Variants in SYNM observed in about 807,000 individuals in gnomAD.
The protein encoded by SYNM is desmuslin.
Under a neutral mutation model 104.0 loss-of-function variants are expected in SYNM, and 95 were observed. The observed-to-expected ratio is 0.91, with a 90% CI of 0.77 to 1.08. SYNM has a LOEUF of 1.08. Ranked by LOEUF, SYNM falls within the 50% of genes least tolerant of loss-of-function variation. The pLI is 0.00. For missense variants in SYNM, 2,150 were observed against 2,052.2 expected, an observed-to-expected ratio of 1.05 and a Z score of -0.92; for synonymous variants, 918 against 869.0, an observed-to-expected ratio of 1.06 and a Z score of -0.99.
chr15:99,129,430 T>G lies in SYNM; in HGVS notation c.1070T>G (p.Leu357Arg). 6.2e-7 allele frequency: 1 copy of G among 1,614,032 alleles called. No homozygotes were observed. The highest frequency in any genetic ancestry group is 8.5e-7 in the Non-Finnish European group (1 of 1,179,896). ...SLLQRENERNLFSRQKAPLAS... is the reference protein window; with the variant it reads ...SLLQRENERNRFSRQKAPLAS... ...CTACAGAGGGAAAATGAAAGGAATC[T>G]ATTTTCAAGGCAGAAAGCACCTTTG... The change falls in exon 4 of 4, where the codon CTA (leucine) becomes CGA (arginine). Residue 357 changes from leucine (L) to arginine (R), a missense_variant. Coordinates refer to ENST00000336292, the MANE Select transcript of SYNM (RefSeq NM_145728.3).
rs1555486277 is a variant in SYNM at position 99,133,042 on chromosome 15, A to C, written c.4682A>C (p.Asp1561Ala). The C allele has an allele frequency of 6.2e-7, 1 of 1,613,676 alleles. No homozygotes were observed. The highest frequency in any genetic ancestry group is 1.1e-5 in the South Asian group (1 of 91,038). The change falls in exon 4 of 4, where the codon GAT becomes GCT. Residue 1561 changes from aspartate to alanine, a missense_variant. Transcript: ENST00000336292. ...CTAGACAATGAGGAGGAGGAGAATG[A>C]TGGGCATTGGTTTTAATAAGCAGAA... ...LYLDNEEEEN[D>A]GHWF
intron 2 of SYNM, among the ~76,000 whole-genome samples, chr15:99,125,514 C>T (rs1056385008): frequency 3.3e-5 from 5 of 152,262 alleles, no homozygotes; most frequent in Non-Finnish European, 5.9e-5. Flanking sequence ...CCGCTGTGTG[C>T]GCCTTCGCGA....
intron 2 of SYNM, among the ~76,000 whole-genome samples, chr15:99,122,023 A>G (rs1276105442): frequency 6.6e-6 from 1 of 152,268 alleles, no homozygotes; most frequent in Non-Finnish European, 1.5e-5. Context: ...ATTTTTCAGT[A>G]GAAAAATCGA....
chr15:99,139,432 TG>T (rs1567302056), downstream of SYNM: 11 of 1,613,810 alleles, frequency 6.8e-6, no homozygotes, highest in South Asian at 1.2e-4. Context: ...CATGAGGCTA[TG>T]GAAGTGTCGC....
chr15:99,125,215 T>G (rs1292527941), intron 2 of SYNM, among the ~76,000 whole-genome samples: 2 of 152,196 alleles, frequency 1.3e-5, no homozygotes, highest in African/African-American at 4.8e-5. Context: ...GCTCCTCAGC[T>G]GCAGGACGCC....
chr15:99,132,816 G>C lies in SYNM; in HGVS notation c.4456G>C (p.Asp1486His), dbSNP rs782075200. The change falls in exon 4 of 4, where the codon GAC (aspartate) becomes CAC (histidine). Residue 1486 changes from aspartate to histidine, a missense_variant. Asp to His is a moderately conservative substitution (Grantham distance 81). Transcript: ENST00000336292. ...GGAAGCGGGAGCTCTCGGTGTGTCTGACCGTGGTTCCTGGAGAGACGCGGA... is the reference window on the plus strand; with the variant it reads ...GGAAGCGGGAGCTCTCGGTGTGTCTCACCGTGGTTCCTGGAGAGACGCGGA... ...TQEAGALGVS[D>H]RGSWRDADSR... 1 of 1,613,738 alleles carries C rather than the reference G, an allele frequency of 6.2e-7. No individual in the cohort carries two copies. Among genetic ancestry groups the C allele is most frequent in the East Asian group, 2.2e-5 (1 of 44,862 alleles).
chr15:99,112,645 G>A (rs2067309363), intron 1 of SYNM, among the ~76,000 whole-genome samples: 10 of 152,224 alleles, frequency 6.6e-5, no homozygotes, highest in Admixed American at 5.2e-4. Context: ...GGGGAGCTGC[G>A]AGGAGCACCC....
At chr15:99,113,567 T>TA in intron 1 of SYNM, 24 bp from the exon 2 acceptor site, 1 of 1,612,024 alleles carries the variant, frequency 6.2e-7, no homozygotes. Flanking sequence ...TTCTCTGATA[T>TA]AAAAGTCTGT....
chr15:99,111,610 C>A (rs2067300446), intron 1 of SYNM, among the ~76,000 whole-genome samples: 1 of 152,194 alleles, frequency 6.6e-6, no homozygotes, highest in Admixed American at 6.5e-5. Flanking sequence ...TTTAAGTTTA[C>A]TTCTTTGCTT....
chr15:99,138,702 G>A (rs146463775), downstream of SYNM, among the ~76,000 whole-genome samples: 2,322 of 152,364 alleles, frequency 0.015, 24 homozygotes, highest in Middle Eastern at 0.024. Flanking sequence ...CATGGGTGAG[G>A]AGGATGGTCA....
chr15:99,114,269 GGA>G (rs376078936), intron 2 of SYNM, among the ~76,000 whole-genome samples: 5 of 151,400 alleles, frequency 3.3e-5, no homozygotes, highest in African/African-American at 9.7e-5. Context: ...GAAGGTGGCA[GGA>G]GAGAGAGAGA....
Position 99,105,639 on chromosome 15 carries a change from C to A in SYNM, c.440C>A (p.Ala147Asp), listed in dbSNP as rs1555482502. The change falls in exon 1 of 4, where the codon GCC becomes GAC. Residue 147 changes from alanine (A) to aspartate (D), a missense_variant. Transcript: ENST00000336292. The part of the protein sequence containing the change: ...LQAERRGLDA[A>D]HERDVRELRA... ...GCCGAGCGCCGAGGCCTCGACGCGG[C>A]CCACGAACGCGACGTGAGGGAGCTG... 7.4e-7 allele frequency: 1 copy of A among 1,357,698 alleles called. No individual in the cohort carries two copies. The highest frequency in any genetic ancestry group is 9.5e-7 in the Non-Finnish European group (1 of 1,055,444). The allele number at this position is 1,357,698 out of a possible 1,614,324, so 84.1% of individuals were successfully genotyped here.
chr15:99,138,614 C>T (rs1308010869), downstream of SYNM, among the ~76,000 whole-genome samples: 5 of 152,226 alleles, frequency 3.3e-5, no homozygotes, highest in Non-Finnish European at 2.9e-5. Flanking sequence ...CGCCTGGCCC[C>T]TCCCATCTTT....
intron 2 of SYNM, among the ~76,000 whole-genome samples, chr15:99,114,352 T>A (rs969125450): frequency 3.3e-5 from 5 of 151,956 alleles, no homozygotes; most frequent in Non-Finnish European, 5.9e-5. Context: ...GAGAACAGCG[T>A]GGGGAAAATT....
In SYNM at chr15:99,133,806, C is replaced by G. The variant is rs1182921405; in HGVS notation, c.*748C>G. On this transcript the variant is annotated 3_prime_UTR_variant, in exon 4 of 4. Transcript: ENST00000336292. The stretch of plus-strand genomic sequence containing the variant: ...TACAGTACCATTTCATTTTTTGGCA[C>G]TAGGTCATTAAGTAGCACACAGTCT... 2 of 152,850 alleles carry G rather than the reference C, an allele frequency of 1.3e-5. No individual in the cohort carries two copies. Among genetic ancestry groups the G allele is most frequent in the African/African-American group, 4.8e-5 (2 of 41,342 alleles). 9.5% of individuals were successfully genotyped at this position (152,850 alleles called of 1,614,324 possible).
In SYNM at chr15:99,130,226, C is replaced by G; in HGVS notation, c.1866C>G (p.Thr622=). 1 of 1,613,914 alleles carries G rather than the reference C, an allele frequency of 6.2e-7. No homozygotes were observed. The highest frequency in any genetic ancestry group is 1.1e-5 in the South Asian group (1 of 91,078). Residue 622 remains threonine (T), a synonymous_variant, in exon 4 of 4, where the codon ACC becomes ACG. Transcript: ENST00000336292. ...GAGAGCTACGGTTCAGGTTGGGCAC[C>G]AGTGATGCCACTGGTTCTCTGCAAG... is the stretch of plus-strand genomic sequence containing the variant. ...EARELRFRLG[T]SDATGSLQGD...
rs782506569 is a variant in SYNM, at chr15:99,132,627, G to A, written c.4267G>A (p.Val1423Met). Residue 1423 changes from valine (V) to methionine (M), a missense_variant, in exon 4 of 4, where the codon GTG becomes ATG. By Grantham distance (21) the Val-to-Met change is conservative (BLOSUM62 1). Transcript: ENST00000336292. ...TSEHIAIRGPVSRTFVLAGSA... is the reference protein window; with the variant it reads ...TSEHIAIRGPMSRTFVLAGSA... The stretch of plus-strand genomic sequence containing the variant: ...TGAACACATTGCCATCCGTGGACCC[G>A]TGTCCAGAACATTTGTGCTTGCTGG... 19 of 1,614,014 alleles carry A rather than the reference G, an allele frequency of 1.2e-5. No individual in the cohort carries two copies. The Middle Eastern group carries it at 6.6e-4, about 56-fold the overall frequency.
chr15:99,105,687 C>G lies in SYNM; in HGVS notation c.488C>G (p.Thr163Ser), dbSNP rs1460304366. The G allele has an allele frequency of 6.8e-7, 1 of 1,475,970 alleles. No individual in the cohort carries two copies. Among genetic ancestry groups the G allele is most frequent in the Non-Finnish European group, 8.9e-7 (1 of 1,119,702 alleles). The allele number at this position is 1,475,970 out of a possible 1,614,324, so 91.4% of individuals were successfully genotyped here. A position where few individuals can be genotyped will look rare whatever the true frequency, so the allele number is the denominator to read the frequency against. Residue 163 changes from threonine (T) to serine (S), a missense_variant, in exon 1 of 4, where the codon ACC becomes AGC. Coordinates refer to ENST00000336292, the MANE Select transcript of SYNM (RefSeq NM_145728.3). ...CTGCGCGCGCGCGCCGCCAGCCTTA[C>G]CATGCATTTCCGCGCCCGCGCCACC... The part of the protein sequence containing the change: ...RELRARAASL[T>S]MHFRARATGP...
intron 3 of SYNM, 29 bp downstream of exon 3, chr15:99,126,821 C>G (rs1019961056): frequency 1.3e-6 from 2 of 1,548,864 alleles, no homozygotes; most frequent in Non-Finnish European, 1.7e-6. Context: ...CTTGACTTAG[C>G]TTTAGGCATC....
Sources: allele counts gnomAD v4.1 joint callset (sites outside exome capture counted in the v4.1 genomes callset), GRCh38; gene constraint gnomAD v4.1.1; transcripts MANE v1.5; gene names NCBI Gene and HGNC (gene_info 2026-07-23, HGNC 2026-07-21).